The following TEKT5 variants were observed in gnomAD, a reference collection of about 807,000 sequenced individuals.
The protein encoded by TEKT5 is tektin 5.
A neutral mutation model predicts 48.7 loss-of-function variants in TEKT5; 52 were observed. That is an observed-to-expected ratio of 1.07 (90% CI 0.86 to 1.35). TEKT5 has a LOEUF of 1.35. Among genes scored for constraint, TEKT5 ranks in the 40% most tolerant of loss-of-function variants. The probability of loss-of-function intolerance (pLI) is 0.00; values close to 1 mark genes in which losing one functional copy is unlikely to be tolerated. For synonymous variants in TEKT5, 318 were observed against 267.6 expected, an observed-to-expected ratio of 1.19 and a Z score of -1.84; for missense variants, 831 against 641.6, an observed-to-expected ratio of 1.30 and a Z score of -3.19.
At chr16:10,653,870 G>A (rs1247990592) in intron 5 of TEKT5, among the ~76,000 whole-genome samples, 1 of 152,136 alleles carries the variant, frequency 6.6e-6, no homozygotes, top group African/African-American at 2.4e-5. Flanking sequence ...CCGAGACCGA[G>A]CCATTGCACT....
At chr16:10,638,324 T>C (rs7202655) in intron 5 of TEKT5, among the ~76,000 whole-genome samples, 38,634 of 151,906 alleles carry the variant, frequency 0.25, 5,571 homozygotes, top group East Asian at 0.49. Context: ...ACATCCACTC[T>C]CTACCCTATT....
intron 1 of TEKT5, chr16:10,690,580 C>T (rs991960245): frequency 6.1e-6 from 6 of 985,408 alleles, no homozygotes; most frequent in Non-Finnish European, 7.2e-6. Flanking sequence ...ACTGAGAACA[C>T]TGCCCCTAAA....
At chr16:10,680,021 G>C (rs1898718569) in intron 4 of TEKT5, among the ~76,000 whole-genome samples, 1 of 152,244 alleles carries the variant, frequency 6.6e-6, no homozygotes, top group African/African-American at 2.4e-5. Context: ...TCCAGATGGG[G>C]GACTTTAAGG....
At chr16:10,686,017 C>T (rs544351332) in intron 3 of TEKT5, among the ~76,000 whole-genome samples, 2 of 152,324 alleles carry the variant, frequency 1.3e-5, no homozygotes, top group South Asian at 2.1e-4. Context: ...TCCCCACCAG[C>T]GCCACGGTTT....
At chr16:10,692,167 T>G (rs1001682559) in intron 1 of TEKT5, among the ~76,000 whole-genome samples, 1 of 152,074 alleles carries the variant, frequency 6.6e-6, no homozygotes, top group African/African-American at 2.4e-5. Context: ...AAGCCAAATG[T>G]GACCAGGCAA....
intron 5 of TEKT5, among the ~76,000 whole-genome samples, chr16:10,641,452 A>G (rs1316696527): frequency 6.6e-6 from 1 of 152,070 alleles, no homozygotes; most frequent in Non-Finnish European, 1.5e-5. Flanking sequence ...CTCCCAATAC[A>G]CTTAGGTGAT....
intron 4 of TEKT5, among the ~76,000 whole-genome samples, chr16:10,681,173 G>A (rs1411212276): frequency 1.3e-5 from 2 of 152,104 alleles, no homozygotes; most frequent in East Asian, 3.8e-4. Flanking sequence ...AATGTTGGCT[G>A]TGATTATTCT....
chr16:10,682,181 A>G (rs1297053127), intron 3 of TEKT5, 45 bp from the exon 4 acceptor site: 1 of 1,597,048 alleles, frequency 6.3e-7, no homozygotes, highest in Non-Finnish European at 8.6e-7. Flanking sequence ...ACCTGCACAG[A>G]GTACCCAGCT....
At chr16:10,683,950 T>G (rs1344615622) in intron 3 of TEKT5, among the ~76,000 whole-genome samples, 1 of 152,236 alleles carries the variant, frequency 6.6e-6, no homozygotes, top group Non-Finnish European at 1.5e-5. Flanking sequence ...TACATCCCTG[T>G]CTTTAAAGAA....
intron 5 of TEKT5, among the ~76,000 whole-genome samples, chr16:10,647,352 G>A (rs575304978): frequency 7.9e-5 from 12 of 151,890 alleles, no homozygotes; most frequent in Non-Finnish European, 1.0e-4. Context: ...CACACCGGCG[G>A]TCCCAGCTAC....
chr16:10,679,275 G>A (rs1048604237), intron 4 of TEKT5, among the ~76,000 whole-genome samples: 5 of 152,014 alleles, frequency 3.3e-5, no homozygotes, highest in Non-Finnish European at 7.4e-5. Flanking sequence ...TGCCCAACAT[G>A]GTGAAACCCT....
At chr16:10,653,410 G>T (rs1400502343) in intron 5 of TEKT5, among the ~76,000 whole-genome samples, 2 of 152,228 alleles carry the variant, frequency 1.3e-5, no homozygotes, top group Admixed American at 6.5e-5. Context: ...CCCATGTGCT[G>T]TACACCTGGG....
chr16:10,681,318 G>A (rs1487570017), intron 4 of TEKT5, among the ~76,000 whole-genome samples: 1 of 152,132 alleles, frequency 6.6e-6, no homozygotes, highest in Non-Finnish European at 1.5e-5. Flanking sequence ...GACTTGCTCA[G>A]TGTTAGCGTA....
At chr16:10,637,387 G>C (rs1168310976) in intron 5 of TEKT5, among the ~76,000 whole-genome samples, 2 of 149,996 alleles carry the variant, frequency 1.3e-5, no homozygotes, top group Non-Finnish European at 3.0e-5. Context: ...AACTAGATCA[G>C]TGAATAAAGA....
intron 6 of TEKT5, among the ~76,000 whole-genome samples, chr16:10,633,669 A>G (rs932308071): frequency 6.6e-6 from 1 of 152,108 alleles, no homozygotes; most frequent in Non-Finnish European, 1.5e-5. Context: ...CAGCCTCCTG[A>G]GTAGCTGGGA....
At chr16:10,649,120 T>TTTTTAC (rs1220437493) in intron 5 of TEKT5, among the ~76,000 whole-genome samples, 6 of 152,020 alleles carry the variant, frequency 3.9e-5, no homozygotes, top group Non-Finnish European at 1.5e-5. Context: ...TGGCTATTTA[T>TTTTTAC]TTTTATTTTG....
chr16:10,652,169 G>C (rs1325302915), intron 5 of TEKT5, among the ~76,000 whole-genome samples: 1 of 152,094 alleles, frequency 6.6e-6, no homozygotes, highest in Non-Finnish European at 1.5e-5. Context: ...CAGGGTCTGG[G>C]AGACAGAACT....
At chr16:10,629,757 G>A (rs556635989) in intron 6 of TEKT5, among the ~76,000 whole-genome samples, 7 of 52,384 alleles carry the variant, frequency 1.3e-4, no homozygotes, top group Non-Finnish European at 1.9e-4. Context: ...CCCTGCCAGC[G>A]GCCACAGACA....
chr16:10,671,540 G>A lies in TEKT5; in HGVS notation c.1086+4419C>T, dbSNP rs1596413321. Reference sequence around the variant, plus strand: ...CAAGTGAAATTAACCAGTCACAGGAGGACAACTACTGTATGATTCCACTTA... The same window carrying A: ...CAAGTGAAATTAACCAGTCACAGGAAGACAACTACTGTATGATTCCACTTA... On this transcript the variant is annotated intron_variant, in intron 5 of 6. Coordinates refer to ENST00000283025, the MANE Select transcript of TEKT5 (RefSeq NM_144674.2). Among the ~76,000 whole-genome samples, 2 of 152,290 alleles carry A rather than the reference G, an allele frequency of 1.3e-5. 1 individual carries two copies. The highest frequency in any genetic ancestry group is 4.8e-5 in the African/African-American group (2 of 41,550).
Sources: gnomAD v4.1 joint callset for allele counts (sites outside exome capture counted in the v4.1 genomes callset) on GRCh38, gnomAD v4.1.1 for gene constraint, MANE v1.5 for transcripts, NCBI Gene and HGNC (gene_info 2026-07-23, HGNC 2026-07-21) for gene names.